The following UVRAG variants were observed in gnomAD, a reference collection of about 807,000 sequenced individuals.
UVRAG encodes the protein UV radiation resistance associated, also known as UV radiation resistance-associated gene protein.
A neutral mutation model predicts 78.0 loss-of-function variants in UVRAG; 19 were observed. That is an observed-to-expected ratio of 0.24 (90% CI 0.17 to 0.36). The LOEUF is 0.36. Ranked by LOEUF, UVRAG falls within the 10% of genes least tolerant of loss-of-function variation. UVRAG has a pLI of 1.00. For missense variants in UVRAG, 740 were observed against 853.8 expected, an observed-to-expected ratio of 0.87 and a Z score of 1.66; for synonymous variants, 323 against 324.6, an observed-to-expected ratio of 1.00 and a Z score of 0.05.
chr11:75,992,945 AGTGC>A (rs1243621117), intron 8 of UVRAG, among the ~76,000 whole-genome samples: 1 of 152,194 alleles, frequency 6.6e-6, no homozygotes, highest in Non-Finnish European at 1.5e-5. Flanking sequence ...GAATATTACT[AGTGC>A]GTTCTTACAT....
intron 1 of UVRAG, among the ~76,000 whole-genome samples, chr11:75,847,929 C>T (rs1477173756): frequency 6.7e-6 from 1 of 150,174 alleles, no homozygotes; most frequent in African/African-American, 2.5e-5. Context: ...CGAGATCGCA[C>T]CACTGCACTC....
intron 6 of UVRAG, among the ~76,000 whole-genome samples, chr11:75,912,377 G>T (rs929829889): frequency 1.3e-5 from 2 of 152,112 alleles, no homozygotes; most frequent in African/African-American, 4.8e-5. Flanking sequence ...AACAACTGCG[G>T]CATCACTCGG....
chr11:75,891,985 T>A (rs1376773870), intron 5 of UVRAG, among the ~76,000 whole-genome samples: 3 of 152,316 alleles, frequency 2.0e-5, no homozygotes, highest in Non-Finnish European at 4.4e-5. Flanking sequence ...ATAAAACTGA[T>A]GGACAAATGT....
chr11:75,992,961 T>G (rs1224751573), intron 8 of UVRAG, among the ~76,000 whole-genome samples: 2 of 152,328 alleles, frequency 1.3e-5, no homozygotes, highest in Non-Finnish European at 2.9e-5. Context: ...TTCTTACATA[T>G]TGTGACTGGC....
At chr11:76,065,351 T>C (rs929299507) in intron 12 of UVRAG, among the ~76,000 whole-genome samples, 1 of 152,258 alleles carries the variant, frequency 6.6e-6, no homozygotes, top group Non-Finnish European at 1.5e-5. Flanking sequence ...AGTTGAGATG[T>C]CAGGTCCAAG....
rs1272688646 is a variant in UVRAG at position 76,141,143 on chromosome 11, T to C, written c.1830T>C (p.Ser610=). 3.1e-6 allele frequency: 5 copies of C among 1,614,156 alleles called. No individual in the cohort carries two copies. The South Asian group carries it at 4.4e-5, about 14-fold the overall frequency. Residue 610 remains serine, a synonymous_variant, in exon 15 of 15, where the codon AGT becomes AGC. Transcript: ENST00000356136. ...LLPSEQAGSA[S]VQLPGEFHPV... is the part of the protein sequence containing the mutation. ...CCAGCGAGCAGGCCGGGTCCGCCAG[T>C]GTCCAGCTTCCAGGCGAGTTCCACC...
chr11:75,956,785 G>A (rs959602681), intron 6 of UVRAG, among the ~76,000 whole-genome samples: 1 of 152,138 alleles, frequency 6.6e-6, no homozygotes, highest in Non-Finnish European at 1.5e-5. Context: ...TCTAACAGGT[G>A]TGAAATGGCA....
intron 4 of UVRAG, among the ~76,000 whole-genome samples, chr11:75,880,921 T>A (rs1424118722): frequency 6.7e-6 from 1 of 148,884 alleles, no homozygotes; most frequent in Non-Finnish European, 1.5e-5. Flanking sequence ...CTTTCTTTTA[T>A]TTACTTCTTT....
chr11:75,928,620 AT>A (rs1948163496), intron 6 of UVRAG, among the ~76,000 whole-genome samples: 1 of 151,282 alleles, frequency 6.6e-6, no homozygotes, highest in South Asian at 2.1e-4. Context: ...AAGGTTGCTG[AT>A]TGGTTGAGTA....
chr11:76,108,166 A>AT (rs1374391203), intron 13 of UVRAG, among the ~76,000 whole-genome samples: 1 of 152,180 alleles, frequency 6.6e-6, no homozygotes, highest in Non-Finnish European at 1.5e-5. Context: ...CTTTGTGTGA[A>AT]TGAATACAGT....
At chr11:75,951,263 A>G (rs916234346) in intron 6 of UVRAG, among the ~76,000 whole-genome samples, 3 of 151,680 alleles carry the variant, frequency 2.0e-5, no homozygotes, top group Non-Finnish European at 4.4e-5. Context: ...TTTGTTGACA[A>G]AGTTTTTCTT....
intron 13 of UVRAG, among the ~76,000 whole-genome samples, chr11:76,111,054 A>G (rs1043718371): frequency 6.6e-6 from 1 of 152,024 alleles, no homozygotes; most frequent in East Asian, 1.9e-4. Flanking sequence ...AGGTCTCACC[A>G]TGTTGGCTAG....
At chr11:76,004,675 G>A (rs576000938) in intron 9 of UVRAG, among the ~76,000 whole-genome samples, 10 of 151,970 alleles carry the variant, frequency 6.6e-5, no homozygotes, top group African/African-American at 2.4e-4. Context: ...ACCCAGGCTG[G>A]AGTGCAGTGG....
chr11:75,885,111 T>C (rs1457971828), intron 4 of UVRAG, among the ~76,000 whole-genome samples: 1 of 152,048 alleles, frequency 6.6e-6, no homozygotes, highest in African/African-American at 2.4e-5. Context: ...ATTTAAATGG[T>C]ATTTCTTTTT....
Position 75,955,308 on chromosome 11 carries a change from A to G in UVRAG, c.594-6136A>G, listed in dbSNP as rs149834394. Reference sequence around the variant, plus strand: ...GAATTACTGGTCCCATGAACAAAATAGCTGTATTGAGAGTTGGTCCTTTTT... The same window carrying G: ...GAATTACTGGTCCCATGAACAAAATGGCTGTATTGAGAGTTGGTCCTTTTT... On this transcript the variant is annotated intron_variant, in intron 6 of 14. Coordinates refer to ENST00000356136, the MANE Select transcript of UVRAG (RefSeq NM_003369.4). 3.9e-3 allele frequency among the ~76,000 whole-genome samples: 591 copies of G among 152,320 alleles called. 4 individuals are homozygous for G. The highest frequency in any genetic ancestry group is 0.013 in the African/African-American group (542 of 41,558).
At chr11:75,889,192 G>C (rs144026384) in intron 5 of UVRAG, among the ~76,000 whole-genome samples, 1 of 152,100 alleles carries the variant, frequency 6.6e-6, no homozygotes, top group Non-Finnish European at 1.5e-5. Context: ...AAGAAAGGAT[G>C]GTGAATTTTG....
At chr11:75,914,891 G>C (rs974248384) in intron 6 of UVRAG, among the ~76,000 whole-genome samples, 1 of 152,086 alleles carries the variant, frequency 6.6e-6, no homozygotes, top group African/African-American at 2.4e-5. Flanking sequence ...TTGTGTGGGA[G>C]TGTCACAGAA....
rs1009891833 is a variant in UVRAG at position 75,898,088 on chromosome 11, C to A, written c.507+9185C>A. On this transcript the variant is annotated intron_variant, in intron 5 of 14. Transcript: ENST00000356136. ...GTTTCAGCATCTTGTCCAGGCTGGT[C>A]TTGAACTCCTGACCTCGTGATCCAC... Among the ~76,000 whole-genome samples, 3 of 151,748 alleles carry A rather than the reference C, an allele frequency of 2.0e-5. 1 individual carries two copies. The highest frequency in any genetic ancestry group is 4.4e-5 in the Non-Finnish European group (3 of 67,968).
At chr11:75,892,264 A>G in intron 5 of UVRAG, 6 of 902,258 alleles carry the variant, frequency 6.6e-6, no homozygotes, top group Non-Finnish European at 8.0e-6. Flanking sequence ...CCATCAGATC[A>G]GTCATCTGCT....
Sources: gnomAD v4.1 joint callset for allele counts (sites outside exome capture counted in the v4.1 genomes callset) on GRCh38, gnomAD v4.1.1 for gene constraint, MANE v1.5 for transcripts, NCBI Gene and HGNC (gene_info 2026-07-23, HGNC 2026-07-21) for gene names.